The following FMN1 variants were observed in gnomAD, a reference collection of about 807,000 sequenced individuals.
The protein encoded by FMN1 is formin 1.
FMN1 carries 110 observed loss-of-function variants against 132.4 expected under a neutral mutation model. The observed-to-expected ratio is 0.83, with a 90% CI of 0.71 to 0.97. The LOEUF (loss-of-function observed/expected upper bound fraction) is 0.97. Ranked by LOEUF, FMN1 falls within the 50% of genes least tolerant of loss-of-function variation. The probability of loss-of-function intolerance (pLI) is 0.00; values close to 1 mark genes in which losing one functional copy is unlikely to be tolerated. For synonymous variants in FMN1, 722 were observed against 651.7 expected (o/e 1.11, Z -1.64); for missense variants, 1,792 against 1,705.3 (o/e 1.05, Z -0.90).
chr15:33,005,356 A>AT (rs1239092446), intron 7 of FMN1, among the ~76,000 whole-genome samples: 2 of 152,086 alleles, frequency 1.3e-5, no homozygotes, highest in African/African-American at 4.8e-5. Flanking sequence ...AGAGCAGATG[A>AT]TTTTTTTACA....
intron 17 of FMN1, among the ~76,000 whole-genome samples, chr15:32,855,849 G>C (rs895763674): frequency 6.6e-6 from 1 of 152,062 alleles, no homozygotes; most frequent in Non-Finnish European, 1.5e-5. Flanking sequence ...TGCATTTTTT[G>C]ATAAGTCACT....
intron 7 of FMN1, among the ~76,000 whole-genome samples, chr15:33,005,078 T>C (rs371373259): frequency 9.2e-5 from 14 of 152,044 alleles, no homozygotes; most frequent in Non-Finnish European, 1.3e-4. Context: ...TTAGGAGATA[T>C]ACCTAATGCT....
intron 4 of FMN1, among the ~76,000 whole-genome samples, chr15:33,099,806 G>A (rs1238084058): frequency 2.0e-5 from 3 of 152,144 alleles, no homozygotes; most frequent in Non-Finnish European, 4.4e-5. Context: ...GAATTTAAGT[G>A]GGAATATGGT....
At position 33,153,815 on chromosome 15, in the gene FMN1, T is replaced by G; in HGVS notation, c.1100A>C (p.Lys367Thr). The G allele has an allele frequency of 5.9e-6, 9 of 1,536,396 alleles. No individual in the cohort carries two copies. Among genetic ancestry groups the G allele is most frequent in the Non-Finnish European group, 7.8e-6 (9 of 1,146,984 alleles). Residue 367 changes from lysine (K) to threonine (T), a missense_variant, in exon 4 of 21, where the codon AAA becomes ACA. Lys to Thr is a moderately conservative substitution (Grantham distance 78). Coordinates refer to ENST00000616417, the MANE Select transcript of FMN1 (RefSeq NM_001277313.2). ...RPAAHAEFVP[K>T]ADLLTLPGAE... is the part of the protein sequence containing the mutation. ...TCCCGGGAGGGTGAGCAAGTCGGCT[T>G]TGGGTACAAACTCAGCGTGGGCTGC...
At chr15:33,036,680 TG>T (rs1406835418) in intron 6 of FMN1, among the ~76,000 whole-genome samples, 4 of 152,242 alleles carry the variant, frequency 2.6e-5, no homozygotes, top group African/African-American at 9.6e-5. Context: ...CAGCAAAATA[TG>T]GATAATTACC....
At chr15:32,949,940 CATATATAT>C (rs373896522) in intron 9 of FMN1, among the ~76,000 whole-genome samples, 1 of 31,862 alleles carries the variant, frequency 3.1e-5, no homozygotes, top group Non-Finnish European at 8.2e-5. Context: ...GGCCAAAAAG[CATATATAT>C]ATATATATAT....
At chr15:33,118,011 T>A (rs2039993208) in intron 4 of FMN1, among the ~76,000 whole-genome samples, 1 of 152,180 alleles carries the variant, frequency 6.6e-6, no homozygotes, top group Non-Finnish European at 1.5e-5. Flanking sequence ...TGCATCAAAA[T>A]AATGATATAG....
chr15:32,807,818 A>C (rs541051230), intron 17 of FMN1, among the ~76,000 whole-genome samples: 1 of 152,366 alleles, frequency 6.6e-6, no homozygotes, highest in South Asian at 2.1e-4. Context: ...GAAAATGAGA[A>C]GAAATTAGAG....
At chr15:33,105,554 A>T (rs2140098027) in intron 4 of FMN1, among the ~76,000 whole-genome samples, 1 of 152,240 alleles carries the variant, frequency 6.6e-6, no homozygotes. Flanking sequence ...GCTGACTTGA[A>T]ATGGGTAATG....
Position 32,994,108 on chromosome 15 carries a change from T to C in FMN1, c.2223+13906A>G, listed in dbSNP as rs990219316. Among the ~76,000 whole-genome samples the C allele has an allele frequency of 2.6e-5, 4 of 152,200 alleles. No individual in the cohort carries two copies. The South Asian group carries it at 6.2e-4, about 24-fold the overall frequency. ...CATAGGCCATCATCGATCAGTGAGATAGCATATTAACATATCAATTTGTGC... is the reference window on the plus strand; with the variant it reads ...CATAGGCCATCATCGATCAGTGAGACAGCATATTAACATATCAATTTGTGC... On this transcript the variant is annotated intron_variant, in intron 7 of 20. Coordinates refer to ENST00000616417, the MANE Select transcript of FMN1 (RefSeq NM_001277313.2).
intron 9 of FMN1, among the ~76,000 whole-genome samples, chr15:32,951,295 G>GA (rs1395410903): frequency 2.0e-5 from 3 of 152,128 alleles, no homozygotes; most frequent in Non-Finnish European, 4.4e-5. Context: ...AATAGAACTA[G>GA]AAAATGGAGA....
chr15:33,005,846 C>A (rs748861594), intron 7 of FMN1, among the ~76,000 whole-genome samples: 1 of 152,094 alleles, frequency 6.6e-6, no homozygotes, highest in Non-Finnish European at 1.5e-5. Flanking sequence ...CACATCAGAA[C>A]AAAGAAAAAG....
intron 2 of FMN1, among the ~76,000 whole-genome samples, chr15:33,183,084 T>C (rs1486061240): frequency 1.3e-5 from 2 of 152,198 alleles, no homozygotes; most frequent in Non-Finnish European, 2.9e-5. Context: ...ACCACTGTGT[T>C]ATAATCAGCA....
chr15:33,052,054 A>G (rs1474455668), intron 6 of FMN1, among the ~76,000 whole-genome samples: 1 of 152,144 alleles, frequency 6.6e-6, no homozygotes, highest in Non-Finnish European at 1.5e-5. Flanking sequence ...AGGAGGAAAG[A>G]ATTGAGGCCG....
At chr15:33,072,853 G>A (rs566576512) in intron 5 of FMN1, among the ~76,000 whole-genome samples, 2 of 151,520 alleles carry the variant, frequency 1.3e-5, no homozygotes, top group South Asian at 4.2e-4. Context: ...AACCCATGAG[G>A]TGGAGGCTGC....
rs759109592 is a variant in FMN1 at position 32,969,379 on chromosome 15, T to C, written c.2322A>G (p.Glu774=). 1 of 1,614,014 alleles carries C rather than the reference T, an allele frequency of 6.2e-7. No homozygotes were observed. The highest frequency in any genetic ancestry group is 8.5e-7 in the Non-Finnish European group (1 of 1,179,896). The change falls in exon 8 of 21, where the codon GAA becomes GAG. Residue 774 remains glutamate (E), a synonymous_variant. Transcript: ENST00000616417. The part of the protein sequence containing the change: ...ETIENLKHEL[E]HRWRGGCEER... ...CTTCACAACCCCCTCGCCATCTGTG[T>C]TCTAGCTCGTGTTTCAGATTTTCAA... is the stretch of plus-strand genomic sequence containing the variant.
At position 33,154,332 on chromosome 15, in the gene FMN1, T is replaced by C. The variant is rs1964580308; in HGVS notation, c.583A>G (p.Lys195Glu). 2 of 1,536,058 alleles carry C rather than the reference T, an allele frequency of 1.3e-6. No homozygotes were observed. The highest frequency in any genetic ancestry group is 2.0e-5 in the Admixed American group (1 of 50,988). Residue 195 changes from lysine to glutamate, a missense_variant, in exon 4 of 21, where the codon AAG becomes GAG. Lys to Glu is a moderately conservative substitution (Grantham distance 56). Around this residue, in one of 3 missense-constraint regions of FMN1, gnomAD observed 638 missense variants for 645.2 expected, o/e 0.99. Transcript: ENST00000616417. ...GGAAGGGAGTGGCTGGAACAGATCT[T>C]GTCCTTGCCCATCAGAGGAGCTGAT... ...RESAPLMGKD[K>E]ICSSHSLPLS...
At chr15:33,125,979 G>A (rs1400641261) in intron 4 of FMN1, among the ~76,000 whole-genome samples, 4 of 150,408 alleles carry the variant, frequency 2.7e-5, no homozygotes, top group East Asian at 2.0e-4. Context: ...AAGTCACTAA[G>A]TTAGGAAAGT....
chr15:33,043,739 A>G (rs2036549377), intron 6 of FMN1, among the ~76,000 whole-genome samples: 1 of 152,208 alleles, frequency 6.6e-6, no homozygotes, highest in Non-Finnish European at 1.5e-5. Flanking sequence ...CCAGGGCTAC[A>G]TGCTCCATGC....
Sources: gnomAD v4.1 joint callset for allele counts (sites outside exome capture counted in the v4.1 genomes callset) on GRCh38, gnomAD v4.1.1 for gene constraint, gnomAD v4.1.1 regional missense constraint, MANE v1.5 for transcripts, NCBI Gene and HGNC (gene_info 2026-07-23, HGNC 2026-07-21) for gene names.